The following PCDHGB2 variants were observed in gnomAD, a reference collection of about 807,000 sequenced individuals.
The protein encoded by PCDHGB2 is protocadherin gamma subfamily B, 2.
In PCDHGB2, 55 loss-of-function variants were observed where a neutral mutation model predicts 59.3. That is an observed-to-expected ratio of 0.93 (90% confidence interval 0.75 to 1.16). PCDHGB2 has a LOEUF of 1.16. PCDHGB2 is among the 50% of genes most tolerant of loss of function. The probability of loss-of-function intolerance (pLI) is 0.00; values close to 1 mark genes in which losing one functional copy is unlikely to be tolerated. For missense variants in PCDHGB2, 1,228 were observed against 1,198.5 expected, an observed-to-expected ratio of 1.02 and a Z score of -0.36; for synonymous variants, 516 against 512.0, an observed-to-expected ratio of 1.01 and a Z score of -0.11.
chr5:141,477,438 C>A lies in PCDHGB2; in HGVS notation c.2422-17369C>A, dbSNP rs1386997844. The A allele has an allele frequency of 3.1e-6, 5 of 1,614,174 alleles. No individual in the cohort carries two copies. The Admixed American group carries it at 6.7e-5, about 22-fold the overall frequency. On this transcript the variant is annotated intron_variant, in intron 1 of 3. Coordinates refer to ENST00000522605, the MANE Select transcript of PCDHGB2 (RefSeq NM_018923.3). The surrounding 1 kb of genome is among the most constrained non-coding windows in gnomAD (Gnocchi z 4.9). ...GGAACCCCTTCCCTCTCAGCCCTTA[C>A]AATAGTGCGTGTTCAAGTGTCCGAC...
chr5:141,415,740 GTTTTTTTTTTTTTTTTTT>G (rs57426385), intron 1 of PCDHGB2: 9 of 625,028 alleles, frequency 1.4e-5, no homozygotes, highest in African/African-American at 5.0e-5. Flanking sequence ...GTTTATTAAG[GTTTTTTTTTTTTTTTTTT>G]TTTTTTTTTT....
Position 141,485,741 on chromosome 5 carries a change from C to A in PCDHGB2, c.2422-9066C>A. 6.2e-7 allele frequency: 1 copy of A among 1,614,180 alleles called. No homozygotes were observed. Among genetic ancestry groups the A allele is most frequent in the Non-Finnish European group, 8.5e-7 (1 of 1,179,992 alleles). On this transcript the variant is annotated intron_variant, in intron 1 of 3. Coordinates refer to ENST00000522605, the MANE Select transcript of PCDHGB2 (RefSeq NM_018923.3). This position sits in a 1 kb window ranked among gnomAD's most constrained non-coding sequence, Gnocchi z 5.7. ...TGTGAAGAAGCGCAGCGACGGCAGC[C>A]TGGTCCCAGAGCTGCTCCTGGAGAA...
chr5:141,388,640 A>G (rs373553997), intron 1 of PCDHGB2: 3 of 1,613,844 alleles, frequency 1.9e-6, no homozygotes, highest in African/African-American at 2.7e-5. Context: ...TGAGCCTTTC[A>G]GAAAACGTGT....
chr5:141,376,241 C>T (rs755837851), intron 1 of PCDHGB2: 1 of 1,614,118 alleles, frequency 6.2e-7, no homozygotes, highest in East Asian at 2.2e-5. Flanking sequence ...GCAGCGCTGG[C>T]ACAAGTCACG....
intron 1 of PCDHGB2, chr5:141,409,953 C>T: frequency 6.2e-7 from 1 of 1,613,398 alleles, no homozygotes; most frequent in Non-Finnish European, 8.5e-7. Context: ...TCTGCAGAGC[C>T]CGGCTACCTA....
At chr5:141,413,129 A>G in intron 1 of PCDHGB2, 2 of 1,536,352 alleles carry the variant, frequency 1.3e-6, no homozygotes, top group East Asian at 2.3e-5. Context: ...GTTGAAACAC[A>G]CAACGTGTCC....
rs574950493 is a variant in PCDHGB2 at position 141,375,596 on chromosome 5, G to A, written c.2421+13040G>A. 12 of 1,613,990 alleles carry A rather than the reference G, an allele frequency of 7.4e-6. No individual in the cohort carries two copies. The Admixed American group carries it at 1.2e-4, about 16-fold the overall frequency. On this transcript the variant is annotated intron_variant, in intron 1 of 3. Coordinates refer to ENST00000522605, the MANE Select transcript of PCDHGB2 (RefSeq NM_018923.3). ...CCAGGGGGCGCCCCTGTCCTCCTAC[G>A]TGTCCATCAACTCCGACACTGGGAT...
chr5:141,405,529 C>G, intron 1 of PCDHGB2: 1 of 654,350 alleles, frequency 1.5e-6, no homozygotes, highest in Middle Eastern at 4.2e-4. Flanking sequence ...AAGCGATTCT[C>G]CTGCCTCAGC....
At position 141,494,880 on chromosome 5, in the gene PCDHGB2, C is replaced by G. The variant is rs950094823; in HGVS notation, c.2480+15C>G. On this transcript the variant is annotated intron_variant, in intron 2 of 3. Transcript: ENST00000522605. ...GGCACCAGCGGGTAGGTGACTGATT[C>G]TCCAGCCCACCCTCTTCTCTGCGGC... The G allele has an allele frequency of 3.7e-6, 6 of 1,614,040 alleles. No individual in the cohort carries two copies. The African/African-American group carries it at 6.7e-5, about 18-fold the overall frequency.
At chr5:141,372,067 A>G (rs1209515606) in intron 1 of PCDHGB2, 2 of 1,613,450 alleles carry the variant, frequency 1.2e-6, no homozygotes, top group Admixed American at 1.7e-5. Flanking sequence ...CGCAACGACA[A>G]TGCACCGCTG....
intron 1 of PCDHGB2, chr5:141,410,249 G>A (rs371076854): frequency 1.2e-6 from 2 of 1,613,992 alleles, no homozygotes; most frequent in Non-Finnish European, 8.5e-7. Flanking sequence ...TGTACTCTCT[G>A]ACCCCCAGGC....
intron 1 of PCDHGB2, chr5:141,371,190 GC>G: frequency 6.2e-7 from 1 of 1,613,982 alleles, no homozygotes; most frequent in Non-Finnish European, 8.5e-7. Flanking sequence ...AAAAGTGATG[GC>G]CATTGACATG....
intron 1 of PCDHGB2, chr5:141,420,119 T>C: frequency 6.2e-7 from 1 of 1,614,044 alleles, no homozygotes; most frequent in Non-Finnish European, 8.5e-7. Context: ...TGCCTATAAT[T>C]TTTGTGTGCC....
intron 1 of PCDHGB2, chr5:141,393,545 C>CCCGATTTA (rs1171677857): frequency 1.2e-6 from 2 of 1,613,858 alleles, no homozygotes; most frequent in African/African-American, 1.3e-5. Context: ...TTTTTCCTCA[C>CCCGATTTA]CCGATTTACC....
intron 1 of PCDHGB2, chr5:141,422,871 G>T (rs769543752): frequency 3.7e-6 from 6 of 1,614,098 alleles, no homozygotes; most frequent in Non-Finnish European, 5.1e-6. Context: ...GCAACGTGTC[G>T]CTGAGCCTGT....
chr5:141,505,520 C>T, intron 3 of PCDHGB2, 39 bp downstream of exon 3: 1 of 1,612,650 alleles, frequency 6.2e-7, no homozygotes, highest in Non-Finnish European at 8.5e-7. Flanking sequence ...AGTGGGAGAC[C>T]TGGGGTTCTG....
chr5:141,400,590 T>G (rs775174347), intron 1 of PCDHGB2: 2 of 1,604,848 alleles, frequency 1.2e-6, no homozygotes, highest in South Asian at 1.1e-5. Flanking sequence ...CATGAAACTA[T>G]CGTACATTTT....
rs915039012 is a variant in PCDHGB2 at position 141,372,538 on chromosome 5, T to A, written c.2421+9982T>A. The stretch of plus-strand genomic sequence containing the variant: ...GTGATTCTGGCAATCTCCCTGCGCC[T>A]GCGATGCTCCTCCAGACCCGCCACT... On this transcript the variant is annotated intron_variant, in intron 1 of 3. Coordinates refer to ENST00000522605, the MANE Select transcript of PCDHGB2 (RefSeq NM_018923.3). The A allele has an allele frequency of 1.9e-6, 3 of 1,613,928 alleles. No homozygotes were observed. The African/African-American group carries it at 4.0e-5, about 22-fold the overall frequency.
intron 1 of PCDHGB2, chr5:141,400,300 C>T: frequency 6.2e-7 from 1 of 1,614,084 alleles, no homozygotes; most frequent in Non-Finnish European, 8.5e-7. Context: ...CTGCTTCCAA[C>T]CTGGTCTCTG....
Sources: gnomAD v4.1 joint callset for allele counts on GRCh38, gnomAD v4.1.1 for gene constraint, Gnocchi (gnomAD v3.1) non-coding constraint, MANE v1.5 for transcripts, NCBI Gene and HGNC (gene_info 2026-07-23, HGNC 2026-07-21) for gene names.